GTF3C2: variants seen among roughly 807,000 people sequenced by gnomAD.
The protein encoded by GTF3C2 is general transcription factor IIIC subunit 2.
Under a neutral mutation model 117.4 loss-of-function variants are expected in GTF3C2, and 17 were observed. That is an observed-to-expected ratio of 0.14 (90% CI 0.10 to 0.22). The LOEUF (loss-of-function observed/expected upper bound fraction) is 0.22, where lower values mean the gene tolerates loss of function less well. GTF3C2 is among the 10% of genes least tolerant of loss of function. The probability of loss-of-function intolerance (pLI) is 1.00; values close to 1 mark genes in which losing one functional copy is unlikely to be tolerated. For missense variants in GTF3C2, 888 were observed against 1,143.6 expected (o/e 0.78, Z 3.22); for synonymous variants, 437 against 427.0 (o/e 1.02, Z -0.29).
intron 1 of GTF3C2, among the ~76,000 whole-genome samples, chr2:27,351,521 G>A (rs1162025262): frequency 6.6e-6 from 1 of 152,190 alleles, no homozygotes; most frequent in Non-Finnish European, 1.5e-5. Context: ...AGTTGTGTCT[G>A]CAGTAATCAG....
At chr2:27,353,959 A>C (rs1681231999) in intron 1 of GTF3C2, among the ~76,000 whole-genome samples, 1 of 151,606 alleles carries the variant, frequency 6.6e-6, no homozygotes, top group Non-Finnish European at 1.5e-5. Flanking sequence ...CCTGGGCTCA[A>C]GTGATCCTCT....
At position 27,337,354 on chromosome 2, in the gene GTF3C2, CAA is replaced by C. The variant is rs772799423; in HGVS notation, c.1029-14_1029-13del. On this transcript the variant is annotated splice_polypyrimidine_tract_variant and intron_variant, in intron 6 of 18. Coordinates refer to ENST00000264720, the Ensembl canonical transcript of GTF3C2. ...AGGGAGCGGCCTCACTGGGGGAAGA[CAA>C]AGGGAACAGTCTAAATTTGGAAGTG... 2 of 1,573,328 alleles carry C rather than the reference CAA, an allele frequency of 1.3e-6. No individual in the cohort carries two copies. The highest frequency in any genetic ancestry group is 1.7e-6 in the Non-Finnish European group (2 of 1,143,174).
In GTF3C2 at chr2:27,353,691, G is replaced by A. The variant is rs554079769; in HGVS notation, c.-25+3048C>T. Among the ~76,000 whole-genome samples the A allele has an allele frequency of 8.5e-4, 129 of 151,890 alleles. 1 individual carries two copies. The highest frequency in any genetic ancestry group is 3.3e-3 in the Admixed American group (51 of 15,250). ...CAACCTCAGGTGATCCACCCACCTC[G>A]GCCTCCCAATCAACTTAGTTTTAAT... On this transcript the variant is annotated intron_variant, in intron 1 of 18. Transcript: ENST00000264720.
chr2:27,355,653 T>A (rs1681344060), intron 1 of GTF3C2, among the ~76,000 whole-genome samples: 1 of 152,154 alleles, frequency 6.6e-6, no homozygotes, highest in Non-Finnish European at 1.5e-5. Flanking sequence ...TGCACCCCAA[T>A]CTGTCTGGTT....
At chr2:27,351,984 A>G (rs1475757528) in intron 1 of GTF3C2, among the ~76,000 whole-genome samples, 1 of 151,972 alleles carries the variant, frequency 6.6e-6, no homozygotes. Flanking sequence ...AAACCTCTTA[A>G]CCTCCAAAAT....
At chr2:27,327,719 C>T (rs1680133716) in intron 17 of GTF3C2, among the ~76,000 whole-genome samples, 1 of 150,224 alleles carries the variant, frequency 6.7e-6, no homozygotes, top group Non-Finnish European at 1.5e-5. Flanking sequence ...TCTCCACCTC[C>T]TGGGTTCAAG....
rs1011884264 is a variant in GTF3C2 at position 27,329,773 on chromosome 2, A to G, written c.1733-250T>C. 3.3e-5 allele frequency among the ~76,000 whole-genome samples: 5 copies of G among 152,190 alleles called. No individual in the cohort carries two copies. The highest frequency in any genetic ancestry group is 6.5e-5 in the Admixed American group (1 of 15,268). On this transcript the variant is annotated intron_variant, in intron 12 of 18. Transcript: ENST00000264720. This position sits in a 1 kb window ranked among gnomAD's most constrained non-coding sequence, Gnocchi z 4.5. ...CTGGAATCTACAGTTGAAAAATGAT[A>G]GGGTGAACACACCTAGTGCAGAGAG...
chr2:27,354,181 G>T (rs1681242132), intron 1 of GTF3C2, among the ~76,000 whole-genome samples: 1 of 152,068 alleles, frequency 6.6e-6, no homozygotes, highest in Non-Finnish European at 1.5e-5. Flanking sequence ...TATTCGAGAG[G>T]CTGAGGCAGG....
chr2:27,329,541 T>C lies in GTF3C2; in HGVS notation c.1733-18A>G, dbSNP rs368162172. 28 of 1,612,196 alleles carry C rather than the reference T, an allele frequency of 1.7e-5. No individual in the cohort carries two copies. Among genetic ancestry groups the C allele is most frequent in the Non-Finnish European group, 2.3e-5 (27 of 1,179,014 alleles). ...CACCATGCCTGAAATAAGGACAGAA[T>C]GTGTGAGCATTAAAAGCAAGTTCTC... On this transcript the variant is annotated intron_variant, in intron 12 of 18. Coordinates refer to ENST00000264720, the Ensembl canonical transcript of GTF3C2. The surrounding 1 kb of genome is among the most constrained non-coding windows in gnomAD (Gnocchi z 4.5).
chr2:27,352,701 A>G (rs1681176449), intron 1 of GTF3C2, among the ~76,000 whole-genome samples: 1 of 152,246 alleles, frequency 6.6e-6, no homozygotes, highest in African/African-American at 2.4e-5. Context: ...TAAGATATAA[A>G]TAAAAGCTCC....
exon 8 of GTF3C2, chr2:27,336,344 G>A (rs199741620): frequency 6.2e-7 from 1 of 1,612,884 alleles, no homozygotes; most frequent in East Asian, 2.2e-5. Flanking sequence ...CTGGCACTGG[G>A]CACCAGTCCA....
intron 1 of GTF3C2, among the ~76,000 whole-genome samples, chr2:27,355,021 A>G (rs1681280608): frequency 6.6e-6 from 1 of 152,198 alleles, no homozygotes; most frequent in South Asian, 2.1e-4. Context: ...TCAAAATTTG[A>G]TACTACCAAA....
At chr2:27,343,048 T>G in exon 3 of GTF3C2, 1 of 1,613,982 alleles carries the variant, frequency 6.2e-7, no homozygotes, top group Non-Finnish European at 8.5e-7. Context: ...AGGATTAGGC[T>G]GTTGGGGCCT....
In GTF3C2 at chr2:27,335,896, C is replaced by T. The variant is rs1227603939; in HGVS notation, c.1467+21G>A. The T allele has an allele frequency of 2.0e-6, 3 of 1,486,690 alleles. No homozygotes were observed. The East Asian group carries it at 6.8e-5, about 34-fold the overall frequency. 92.1% of individuals were successfully genotyped at this position (1,486,690 alleles called of 1,614,324 possible). A position where few individuals can be genotyped will look rare whatever the true frequency, so the allele number is the denominator to read the frequency against. Reference sequence around the variant, plus strand: ...CCTGGCTTTGAGTCCTAGGGCCATCCCACAGTTGACTGGGAAGTACCTTCC... The same window carrying T: ...CCTGGCTTTGAGTCCTAGGGCCATCTCACAGTTGACTGGGAAGTACCTTCC... On this transcript the variant is annotated intron_variant, in intron 9 of 18. Coordinates refer to ENST00000264720, the Ensembl canonical transcript of GTF3C2.
At chr2:27,351,349 G>GGCTGCAGTGAGCTGAGATC (rs1681130634) in intron 1 of GTF3C2, among the ~76,000 whole-genome samples, 1 of 152,188 alleles carries the variant, frequency 6.6e-6, no homozygotes, top group African/African-American at 2.4e-5. Flanking sequence ...GGAAGGTGGA[G>GGCTGCAGTGAGCTGAGATC]GCTGCAGTGA....
intron 1 of GTF3C2, among the ~76,000 whole-genome samples, chr2:27,355,534 A>T (rs1681337147): frequency 6.6e-6 from 1 of 151,942 alleles, no homozygotes; most frequent in Admixed American, 6.6e-5. Flanking sequence ...AAAAAAAAAA[A>T]TACACTTCTC....
At chr2:27,328,579 G>A in exon 16 of GTF3C2, 1 of 1,611,484 alleles carries the variant, frequency 6.2e-7, no homozygotes, top group Non-Finnish European at 8.5e-7. Context: ...TCCCAAGCCA[G>A]TCGGATCCTG....
At position 27,333,511 on chromosome 2, in the gene GTF3C2, CTTTCTA is replaced by C. The variant is rs1003128239; in HGVS notation, c.1732+138_1732+143del. 6 of 612,396 alleles carry C rather than the reference CTTTCTA, an allele frequency of 9.8e-6. No individual in the cohort carries two copies. The East Asian group carries it at 1.4e-4, about 15-fold the overall frequency. The allele number at this position is 612,396 out of a possible 1,614,324, so 37.9% of individuals were successfully genotyped here. Reference sequence around the variant, plus strand: ...GTAGAAATAGTCTAGTGACTTATTTCTTTCTATTTTTTTTTTTTTACATTGCTTGAA... The same window carrying C: ...GTAGAAATAGTCTAGTGACTTATTTCTTTTTTTTTTTTTACATTGCTTGAA... On this transcript the variant is annotated intron_variant, in intron 12 of 18. Coordinates refer to ENST00000264720, the Ensembl canonical transcript of GTF3C2.
At chr2:27,326,649 C>T (rs1558610048) in exon 19 of GTF3C2, 2 of 1,572,128 alleles carry the variant, frequency 1.3e-6, no homozygotes, top group Non-Finnish European at 1.8e-6. Flanking sequence ...ACCGACTTCA[C>T]TCCAAGGATC....
Sources: allele counts gnomAD v4.1 joint callset (sites outside exome capture counted in the v4.1 genomes callset), GRCh38; gene constraint gnomAD v4.1.1; non-coding constraint Gnocchi (gnomAD v3.1); transcripts MANE v1.5; gene names NCBI Gene and HGNC (gene_info 2026-07-23, HGNC 2026-07-21).